Variants in CSNK2A1 observed in about 807,000 individuals in gnomAD.
CSNK2A1 encodes the protein casein kinase 2 alpha 1.
Under a neutral mutation model 62.9 loss-of-function variants are expected in CSNK2A1, and 10 were observed. That is an observed-to-expected ratio of 0.16 (90% CI 0.10 to 0.27). The LOEUF (loss-of-function observed/expected upper bound fraction) is 0.27, where lower values mean the gene tolerates loss of function less well. Among genes scored for constraint, CSNK2A1 ranks in the 10% least tolerant of loss-of-function variants. The pLI is 1.00. For missense variants in CSNK2A1, 160 were observed against 492.0 expected, an observed-to-expected ratio of 0.33 and a Z score of 6.38; for synonymous variants, 124 against 167.8, an observed-to-expected ratio of 0.74 and a Z score of 2.02.
chr20:501,500 T>C (rs1406843035), intron 4 of CSNK2A1: 1 of 152,250 alleles, frequency 6.6e-6, no homozygotes, highest in Non-Finnish European at 1.5e-5. Context: ...TTAATGTACT[T>C]TATTAATCTA....
intron 1 of CSNK2A1, among the ~76,000 whole-genome samples, 164 bp from the exon 2 acceptor site, chr20:528,213 G>C (rs1485390684): frequency 6.6e-6 from 1 of 152,124 alleles, no homozygotes; most frequent in Non-Finnish European, 1.5e-5. Flanking sequence ...CAGAATATAA[G>C]GATTATCACC....
At chr20:505,351 GTT>G (rs746624346) in intron 3 of CSNK2A1, 122 bp from the exon 4 acceptor site, 13,480 of 230,136 alleles carry the variant, frequency 0.059, 1 homozygote, top group South Asian at 0.08. Context: ...TCCCAAATAG[GTT>G]TTTTTTTTTT....
intron 2 of CSNK2A1, among the ~76,000 whole-genome samples, chr20:516,643 C>A (rs921448857): frequency 2.6e-5 from 4 of 152,106 alleles, no homozygotes; most frequent in African/African-American, 9.7e-5. Context: ...TTCAATTTGG[C>A]AACTAAAAAG....
At chr20:532,656 C>A (rs747465371) in intron 1 of CSNK2A1, among the ~76,000 whole-genome samples, 1 of 152,140 alleles carries the variant, frequency 6.6e-6, no homozygotes, top group Non-Finnish European at 1.5e-5. Context: ...TAACACAATA[C>A]ACTGGTTGAG....
At chr20:490,032 T>G in intron 9 of CSNK2A1, 151 bp from the exon 10 acceptor site, 1 of 656,780 alleles carries the variant, frequency 1.5e-6, no homozygotes, top group Non-Finnish European at 2.4e-6. Flanking sequence ...TTTTTAGTCT[T>G]TCTTTTTTTT....
chr20:487,775 GAA>G lies in CSNK2A1; in HGVS notation c.825-202_825-201del. On this transcript the variant is annotated intron_variant, in intron 11 of 13. Transcript: ENST00000217244. ...AGACTGGAAACAACATAGCTAGAGT[GAA>G]AAAAGACATCTGAGTCCTCTCAATT... 1.1e-5 allele frequency: 7 copies of G among 645,784 alleles called. No individual in the cohort carries two copies. The South Asian group carries it at 1.5e-4, about 13-fold the overall frequency. 40.0% of individuals were successfully genotyped at this position (645,784 alleles called of 1,614,324 possible).
At position 483,967 on chromosome 20, in the gene CSNK2A1, C is replaced by T. The variant is rs374365140; in HGVS notation, c.1170G>A (p.Gln390=). The change falls in exon 14 of 14, where the codon CAG becomes CAA. Residue 390 remains glutamine, a synonymous_variant. Transcript: ENST00000217244. ...GMPVPAAAGA[Q]Q ...CAGGAGACAGATAGGGCCGTTACTG[C>T]TGAGCGCCAGCGGCAGCTGGAACAG... The T allele has an allele frequency of 1.9e-5, 30 of 1,611,680 alleles. No homozygotes were observed. The highest frequency in any genetic ancestry group is 2.5e-5 in the Non-Finnish European group (30 of 1,178,972).
Position 538,970 on chromosome 20 carries a change from G to A in CSNK2A1, c.-227+4702C>T, listed in dbSNP as rs1205007314. 2.0e-5 allele frequency among the ~76,000 whole-genome samples: 3 copies of A among 152,090 alleles called. No individual in the cohort carries two copies. The East Asian group carries it at 5.8e-4, about 29-fold the overall frequency. Reference sequence around the variant, plus strand: ...CAAGCCCCTTCAAACTGCATCTAAGGACAATAATAATATTCAAACATCAAG... The same window carrying A: ...CAAGCCCCTTCAAACTGCATCTAAGAACAATAATAATATTCAAACATCAAG... On this transcript the variant is annotated intron_variant, in intron 1 of 13. Coordinates refer to ENST00000217244, the MANE Select transcript of CSNK2A1 (RefSeq NM_177559.3).
At chr20:535,007 C>T (rs986152671) in intron 1 of CSNK2A1, among the ~76,000 whole-genome samples, 1 of 134,422 alleles carries the variant, frequency 7.4e-6, no homozygotes, top group Admixed American at 8.2e-5. Context: ...GCACTCCAGC[C>T]TGGCAACAGA....
rs533854610 is a variant in CSNK2A1 at position 536,931 on chromosome 20, G to A, written c.-227+6741C>T. 3.9e-5 allele frequency among the ~76,000 whole-genome samples: 6 copies of A among 152,172 alleles called. 1 individual carries two copies. Among genetic ancestry groups the A allele is most frequent in the South Asian group, 4.2e-4 (2 of 4,814 alleles). On this transcript the variant is annotated intron_variant, in intron 1 of 13. Transcript: ENST00000217244. ...TTCAATAACCCAAAATGACCATCTC[G>A]TATTTCTGGATATGACATGATACCA... is the stretch of plus-strand genomic sequence containing the variant.
chr20:524,708 C>CAAAAA (rs56228720), intron 2 of CSNK2A1, among the ~76,000 whole-genome samples: 29 of 83,146 alleles, frequency 3.5e-4, no homozygotes, highest in African/African-American at 8.9e-4. Flanking sequence ...GACTCCATCT[C>CAAAAA]AAAAAAAAAA....
chr20:525,315 C>T (rs1468971325), intron 2 of CSNK2A1, among the ~76,000 whole-genome samples: 1 of 151,746 alleles, frequency 6.6e-6, no homozygotes, highest in African/African-American at 2.4e-5. Flanking sequence ...AGTTCGAGAC[C>T]AGCCTGGGCA....
intron 1 of CSNK2A1, chr20:543,191 G>T (rs1228355762): frequency 6.6e-6 from 1 of 152,188 alleles, no homozygotes; most frequent in Non-Finnish European, 1.5e-5. Context: ...CTGCAGGTGG[G>T]AAGCTCAGCC....
At position 511,770 on chromosome 20, in the gene CSNK2A1, G is replaced by C. The variant is rs572258905; in HGVS notation, c.-109-3110C>G. 3.3e-5 allele frequency among the ~76,000 whole-genome samples: 5 copies of C among 152,108 alleles called. No individual in the cohort carries two copies. In the South Asian group the frequency reaches 1.0e-3, roughly 32 times the overall value. On this transcript the variant is annotated intron_variant, in intron 2 of 13. Transcript: ENST00000217244. ...TCCATTTATCTGCTGATGGACACTT[G>C]AGTTGCTTCCACAGCTTGGCTATTG...
rs1000945915 is a variant in CSNK2A1, at chr20:481,276, G to A, written c.*2685C>T. On this transcript the variant is annotated 3_prime_UTR_variant, in exon 14 of 14. Transcript: ENST00000217244. Reference sequence around the variant, plus strand: ...ACTTAAAAAAAAGCAGAGGAAGAGGGGAGGGACCACTTCAAACAAAGTTTA... The same window carrying A: ...ACTTAAAAAAAAGCAGAGGAAGAGGAGAGGGACCACTTCAAACAAAGTTTA... The A allele has an allele frequency of 6.6e-6, 1 of 152,046 alleles. No individual in the cohort carries two copies. Among genetic ancestry groups the A allele is most frequent in the East Asian group, 1.9e-4 (1 of 5,190 alleles). The allele number at this position is 152,046 out of a possible 1,614,324, so 9.4% of individuals were successfully genotyped here. A position where few individuals can be genotyped will look rare whatever the true frequency, so the allele number is the denominator to read the frequency against.
chr20:518,636 T>G (rs2018875743), intron 2 of CSNK2A1, among the ~76,000 whole-genome samples: 2 of 152,090 alleles, frequency 1.3e-5, no homozygotes, highest in South Asian at 4.2e-4. Context: ...AAGCTCTGCT[T>G]CCTGGGTTCA....
At chr20:502,319 G>A (rs1337289314) in intron 4 of CSNK2A1, 1 of 152,044 alleles carries the variant, frequency 6.6e-6, no homozygotes, top group Non-Finnish European at 1.5e-5. Flanking sequence ...TATTATCTGG[G>A]AGATCTTTCC....
intron 3 of CSNK2A1, chr20:507,555 A>T (rs1210969797): frequency 1.3e-5 from 2 of 152,252 alleles, no homozygotes; most frequent in Admixed American, 6.5e-5. Flanking sequence ...GGGCAAACAC[A>T]GCTGTTCAGG....
At chr20:517,892 C>T (rs1163446818) in intron 2 of CSNK2A1, among the ~76,000 whole-genome samples, 2 of 152,170 alleles carry the variant, frequency 1.3e-5, no homozygotes, top group Non-Finnish European at 2.9e-5. Flanking sequence ...TATTAGTTTA[C>T]TCGACTGTTA....
Sources: gnomAD v4.1 joint callset for allele counts (sites outside exome capture counted in the v4.1 genomes callset) on GRCh38, gnomAD v4.1.1 for gene constraint, MANE v1.5 for transcripts, NCBI Gene and HGNC (gene_info 2026-07-23, HGNC 2026-07-21) for gene names.